Variants in PCDHGA7 observed in about 807,000 individuals in gnomAD.
The protein encoded by PCDHGA7 is protocadherin gamma subfamily A, 7, also known as protocadherin gamma-A7.
In PCDHGA7, 44 loss-of-function variants were observed where a neutral mutation model predicts 58.3. The ratio of observed to expected loss-of-function variants is 0.75; its 90% CI spans 0.59 to 0.97. PCDHGA7 has a LOEUF of 0.97. PCDHGA7 is among the 50% of genes least tolerant of loss of function. The pLI, the probability that PCDHGA7 is intolerant of heterozygous loss-of-function variation, is 0.00. For missense variants in PCDHGA7, 1,266 were observed against 1,188.7 expected (o/e 1.06, Z -0.96); for synonymous variants, 516 against 504.2 (o/e 1.02, Z -0.31).
intron 1 of PCDHGA7, among the ~76,000 whole-genome samples, chr5:141,484,358 G>A (rs2099595185): frequency 6.6e-6 from 1 of 152,160 alleles, no homozygotes; most frequent in South Asian, 2.1e-4. Flanking sequence ...AGTGTATCTA[G>A]TGTATCACTA....
intron 1 of PCDHGA7, chr5:141,423,967 A>T (rs760284844): frequency 5.2e-6 from 6 of 1,153,616 alleles, no homozygotes; most frequent in Non-Finnish European, 6.5e-6. Context: ...TTTTTCTATT[A>T]TCAGTGTATG....
rs1425448852 is a variant in PCDHGA7, at chr5:141,493,717, C to T, written c.2425-1090C>T. Among the ~76,000 whole-genome samples the T allele has an allele frequency of 1.3e-5, 2 of 152,208 alleles. No individual in the cohort carries two copies. The highest frequency in any genetic ancestry group is 3.8e-4 in the East Asian group (2 of 5,202). On this transcript the variant is annotated intron_variant, in intron 1 of 3. Coordinates refer to ENST00000518325, the MANE Select transcript of PCDHGA7 (RefSeq NM_018920.4). This position sits in a 1 kb window ranked among gnomAD's most constrained non-coding sequence, Gnocchi z 4.3. ...CCGATACACCTGGAATGCTAGGTTT[C>T]TGGGTTCTGCTCATATCACTGCCAC...
intron 2 of PCDHGA7, 107 bp from the exon 3 acceptor site, chr5:141,505,286 A>T: frequency 3.2e-6 from 5 of 1,551,278 alleles, no homozygotes; most frequent in Non-Finnish European, 4.4e-6. Flanking sequence ...GGTCTTGGGC[A>T]TGGGGTAGGG....
At chr5:141,456,175 A>G (rs2154565434) in intron 1 of PCDHGA7, among the ~76,000 whole-genome samples, 1 of 151,840 alleles carries the variant, frequency 6.6e-6, no homozygotes, top group East Asian at 1.9e-4. Context: ...GGGATTACAG[A>G]ATAATTTCTT....
At chr5:141,403,892 T>C in intron 1 of PCDHGA7, 1 of 1,613,820 alleles carries the variant, frequency 6.2e-7, no homozygotes, top group Non-Finnish European at 8.5e-7. Flanking sequence ...AGAATGTTCA[T>C]TTTATGAAAT....
At chr5:141,392,010 A>T (rs949188518) in intron 1 of PCDHGA7, 1 of 152,234 alleles carries the variant, frequency 6.6e-6, no homozygotes, top group African/African-American at 2.4e-5. Context: ...TGCAATGGTA[A>T]AAGCATTTAT....
intron 1 of PCDHGA7, among the ~76,000 whole-genome samples, chr5:141,462,288 G>A (rs1239615759): frequency 3.9e-5 from 6 of 152,196 alleles, no homozygotes; most frequent in Non-Finnish European, 7.3e-5. Flanking sequence ...CACCAAATAT[G>A]TAAGTATTAC....
In PCDHGA7 at chr5:141,472,878, C is replaced by T. The variant is rs774209715; in HGVS notation, c.2425-21929C>T. ...GCACATGCCTGTATTCCCAGCTACT[C>T]GGGAGGCTGAGGCAGGAGAATTGCT... On this transcript the variant is annotated intron_variant, in intron 1 of 3. Transcript: ENST00000518325. 6.8e-5 allele frequency among the ~76,000 whole-genome samples: 10 copies of T among 146,132 alleles called. 1 individual carries two copies. The highest frequency in any genetic ancestry group is 4.2e-4 in the East Asian group (2 of 4,758).
rs967535805 is a variant in PCDHGA7 at position 141,490,206 on chromosome 5, C to T, written c.2425-4601C>T. 2.4e-5 allele frequency: 38 copies of T among 1,614,050 alleles called. No homozygotes were observed. In the Admixed American group the frequency reaches 5.0e-4, roughly 21 times the overall value. ...GTTTCTATGAAATTCATGCAAGAGCCCGTGACCAGGGACAGCCTGCCATGG... is the reference window on the plus strand; with the variant it reads ...GTTTCTATGAAATTCATGCAAGAGCTCGTGACCAGGGACAGCCTGCCATGG... On this transcript the variant is annotated intron_variant, in intron 1 of 3. Coordinates refer to ENST00000518325, the MANE Select transcript of PCDHGA7 (RefSeq NM_018920.4). This position sits in a 1 kb window ranked among gnomAD's most constrained non-coding sequence, Gnocchi z 5.4.
chr5:141,421,358 C>T (rs2096566137), intron 1 of PCDHGA7: 1 of 1,613,870 alleles, frequency 6.2e-7, no homozygotes, highest in Non-Finnish European at 8.5e-7. Context: ...GAAAAGGGCT[C>T]CTTCGTGGGC....
chr5:141,422,088 CA>C (rs1235447839), intron 1 of PCDHGA7: 2 of 1,611,912 alleles, frequency 1.2e-6, no homozygotes, highest in Non-Finnish European at 1.7e-6. Flanking sequence ...ACATGGAAAG[CA>C]AGGCTTCTGA....
chr5:141,456,700 C>G (rs1420857227), intron 1 of PCDHGA7, among the ~76,000 whole-genome samples: 2 of 152,060 alleles, frequency 1.3e-5, no homozygotes, highest in Admixed American at 1.3e-4. Flanking sequence ...CGTGGTGGCT[C>G]GCGCCTGTAA....
At chr5:141,414,312 C>T in intron 1 of PCDHGA7, 1 of 1,613,724 alleles carries the variant, frequency 6.2e-7, no homozygotes, top group South Asian at 1.1e-5. Context: ...ATGATTTAGA[C>T]TCTGAGCAGA....
chr5:141,487,771 T>C lies in PCDHGA7; in HGVS notation c.2425-7036T>C. The C allele has an allele frequency of 1.3e-6, 2 of 1,537,446 alleles. No homozygotes were observed. Among genetic ancestry groups the C allele is most frequent in the South Asian group, 2.4e-5 (2 of 82,456 alleles). ...ACTATGTGGTAGACGCTGTGCTTTGTAACTGTTTCGTGAATTAACCAGAGT... is the reference window on the plus strand; with the variant it reads ...ACTATGTGGTAGACGCTGTGCTTTGCAACTGTTTCGTGAATTAACCAGAGT... On this transcript the variant is annotated intron_variant, in intron 1 of 3. Coordinates refer to ENST00000518325, the MANE Select transcript of PCDHGA7 (RefSeq NM_018920.4). This position sits in a 1 kb window ranked among gnomAD's most constrained non-coding sequence, Gnocchi z 5.0.
At chr5:141,459,245 C>G (rs1040972875) in intron 1 of PCDHGA7, among the ~76,000 whole-genome samples, 1 of 152,180 alleles carries the variant, frequency 6.6e-6, no homozygotes, top group African/African-American at 2.4e-5. Context: ...TGCTTCCTGT[C>G]ACTATAAATT....
At chr5:141,483,084 CA>C (rs898059463) in intron 1 of PCDHGA7, among the ~76,000 whole-genome samples, 4 of 150,440 alleles carry the variant, frequency 2.7e-5, no homozygotes, top group Middle Eastern at 3.4e-3. Flanking sequence ...GACTCCATCT[CA>C]AAAAAAAAGT....
rs192677983 is a variant in PCDHGA7 at position 141,457,339 on chromosome 5, A to G, written c.2425-37468A>G. On this transcript the variant is annotated intron_variant, in intron 1 of 3. Transcript: ENST00000518325. The stretch of plus-strand genomic sequence containing the variant: ...CCTCCGGGTTACAGGTACCTTACTT[A>G]CTTTCATTACCTGGCACAATTTGCA... Among the ~76,000 whole-genome samples the G allele has an allele frequency of 3.1e-4, 47 of 152,268 alleles. No individual in the cohort carries two copies. The South Asian group carries it at 3.3e-3, about 11-fold the overall frequency.
chr5:141,488,690 G>A (rs1292736219), intron 1 of PCDHGA7, among the ~76,000 whole-genome samples: 1 of 152,186 alleles, frequency 6.6e-6, no homozygotes, highest in African/African-American at 2.4e-5. Flanking sequence ...TCTCCCAGAA[G>A]GACAAGATTT....
chr5:141,446,633 C>T (rs2098509543), intron 1 of PCDHGA7, among the ~76,000 whole-genome samples: 4 of 152,208 alleles, frequency 2.6e-5, no homozygotes, highest in East Asian at 1.9e-4. Flanking sequence ...TGCACCACCA[C>T]GCCTGGCTAA....
Sources: gnomAD v4.1 joint callset for allele counts (sites outside exome capture counted in the v4.1 genomes callset) on GRCh38, gnomAD v4.1.1 for gene constraint, Gnocchi (gnomAD v3.1) non-coding constraint, MANE v1.5 for transcripts, NCBI Gene and HGNC (gene_info 2026-07-23, HGNC 2026-07-21) for gene names.